The following UBE3D variants were observed in gnomAD, a reference collection of about 807,000 sequenced individuals.
UBE3D encodes E3 ubiquitin-protein ligase E3D.
A neutral mutation model predicts 49.6 loss-of-function variants in UBE3D; 48 were observed. The observed-to-expected ratio is 0.97, with a 90% confidence interval of 0.77 to 1.23. UBE3D has a LOEUF of 1.23. UBE3D is among the 50% of genes most tolerant of loss of function. UBE3D has a pLI of 0.00. For synonymous variants in UBE3D, 189 were observed against 174.2 expected (o/e 1.08, Z -0.67); for missense variants, 452 against 468.4 (o/e 0.96, Z 0.32).
chr6:82,917,376 G>A (rs1167753125), intron 9 of UBE3D, among the ~76,000 whole-genome samples: 1 of 152,122 alleles, frequency 6.6e-6, no homozygotes, highest in East Asian at 1.9e-4. Flanking sequence ...TGCTAGATAT[G>A]AGCAGAGAGG....
chr6:82,942,548 G>A (rs2127757289), intron 9 of UBE3D, among the ~76,000 whole-genome samples: 1 of 152,276 alleles, frequency 6.6e-6, no homozygotes, highest in East Asian at 1.9e-4. Context: ...GGTTTTGTGG[G>A]CCAGGCCCAG....
intron 8 of UBE3D, among the ~76,000 whole-genome samples, chr6:82,999,001 A>G (rs1026045697): frequency 5.9e-5 from 9 of 152,162 alleles, no homozygotes; most frequent in Non-Finnish European, 1.2e-4. Context: ...CCAAGTCCAC[A>G]CATTTCTGGT....
At chr6:82,890,295 A>T (rs1267680661), downstream of UBE3D, among the ~76,000 whole-genome samples, 1 of 152,178 alleles carries the variant, frequency 6.6e-6, no homozygotes, top group African/African-American at 2.4e-5. Context: ...AAAAGATAGA[A>T]AGAGCCATTT....
chr6:82,949,874 T>G (rs1182125928), intron 9 of UBE3D, among the ~76,000 whole-genome samples: 1 of 152,150 alleles, frequency 6.6e-6, no homozygotes. Flanking sequence ...AAAAATGGAT[T>G]AAAAACTTAA....
At chr6:83,049,333 TG>T (rs11286611) in intron 3 of UBE3D, among the ~76,000 whole-genome samples, 98,427 of 151,984 alleles carry the variant, frequency 0.65, 32,773 homozygotes, top group East Asian at 0.78. Context: ...ATATGGCTGC[TG>T]GAATTAGATA....
chr6:82,996,823 T>G (rs1449424725), intron 8 of UBE3D, among the ~76,000 whole-genome samples: 5 of 152,170 alleles, frequency 3.3e-5, no homozygotes, highest in African/African-American at 1.2e-4. Context: ...ACTATCATAG[T>G]CTAGAGAAGA....
intron 9 of UBE3D, among the ~76,000 whole-genome samples, chr6:82,914,888 T>G (rs1772802223): frequency 6.7e-6 from 1 of 149,034 alleles, no homozygotes; most frequent in Non-Finnish European, 1.5e-5. Context: ...GTCCATCCTC[T>G]CTCATCCTGA....
chr6:83,057,632 G>A (rs763886152), intron 2 of UBE3D, among the ~76,000 whole-genome samples, 194 bp downstream of exon 2: 1 of 152,166 alleles, frequency 6.6e-6, no homozygotes, highest in Non-Finnish European at 1.5e-5. Flanking sequence ...AGAAGGAAGG[G>A]AGGGAGGGAA....
At chr6:82,919,850 G>C (rs1365801194) in intron 9 of UBE3D, among the ~76,000 whole-genome samples, 2 of 151,950 alleles carry the variant, frequency 1.3e-5, no homozygotes, top group African/African-American at 4.8e-5. Context: ...AGGAGAATGA[G>C]AACTTGCTTG....
chr6:82,981,599 C>A (rs1487694147), intron 8 of UBE3D, among the ~76,000 whole-genome samples: 1 of 151,950 alleles, frequency 6.6e-6, no homozygotes, highest in African/African-American at 2.4e-5. Flanking sequence ...TACTGAACTC[C>A]TAGTACTCTG....
intron 6 of UBE3D, among the ~76,000 whole-genome samples, chr6:83,023,427 A>C (rs1391056656): frequency 6.6e-6 from 1 of 152,224 alleles, no homozygotes; most frequent in Non-Finnish European, 1.5e-5. Flanking sequence ...ACTATCAAAA[A>C]GGCTTTCTCT....
chr6:82,929,406 A>T (rs1172139290), intron 9 of UBE3D, among the ~76,000 whole-genome samples: 3 of 152,216 alleles, frequency 2.0e-5, no homozygotes, highest in Non-Finnish European at 4.4e-5. Context: ...GCTTTCTCTT[A>T]CTGAAGATTT....
intron 8 of UBE3D, among the ~76,000 whole-genome samples, chr6:82,981,358 A>G (rs943483820): frequency 1.3e-5 from 2 of 152,098 alleles, no homozygotes; most frequent in African/African-American, 4.8e-5. Flanking sequence ...TATGCAGAAA[A>G]TTTCTGCTCT....
At chr6:82,949,407 T>C (rs902990118) in intron 9 of UBE3D, among the ~76,000 whole-genome samples, 1 of 152,042 alleles carries the variant, frequency 6.6e-6, no homozygotes, top group Non-Finnish European at 1.5e-5. Context: ...GTTCATGGAC[T>C]GGAAGAATCA....
chr6:83,008,832 G>A (rs985177294), intron 8 of UBE3D, among the ~76,000 whole-genome samples: 4 of 152,162 alleles, frequency 2.6e-5, no homozygotes, highest in Non-Finnish European at 4.4e-5. Context: ...CTCACAGCAT[G>A]TTTACCTACT....
chr6:82,946,306 AG>A (rs1352220309), intron 9 of UBE3D, among the ~76,000 whole-genome samples: 1 of 152,156 alleles, frequency 6.6e-6, no homozygotes, highest in Non-Finnish European at 1.5e-5. Context: ...TACACCTAGC[AG>A]CAGACTTTTC....
chr6:82,908,086 A>C (rs1207163727), intron 9 of UBE3D, among the ~76,000 whole-genome samples: 2 of 152,216 alleles, frequency 1.3e-5, no homozygotes, highest in Non-Finnish European at 2.9e-5. Context: ...GTCGAGACAA[A>C]AAAGAGTACA....
intron 9 of UBE3D, among the ~76,000 whole-genome samples, chr6:82,904,297 A>C (rs1182550434): frequency 5.3e-5 from 8 of 152,214 alleles, no homozygotes; most frequent in Middle Eastern, 3.2e-3. Context: ...CATTTTACTT[A>C]AAGTCACAGT....
At chr6:83,006,436 A>G (rs997423401) in intron 8 of UBE3D, among the ~76,000 whole-genome samples, 2 of 152,122 alleles carry the variant, frequency 1.3e-5, no homozygotes, top group Non-Finnish European at 2.9e-5. Context: ...TGGGTCCCTA[A>G]TCTGATAGGG....
Sources: allele counts gnomAD v4.1 joint callset (sites outside exome capture counted in the v4.1 genomes callset), GRCh38; gene constraint gnomAD v4.1.1; transcripts MANE v1.5; gene names NCBI Gene and HGNC (gene_info 2026-07-23, HGNC 2026-07-21).